UBE3B: variants seen among roughly 807,000 people sequenced by gnomAD.
UBE3B encodes ubiquitin protein ligase E3B, also known as ubiquitin-protein ligase E3B.
UBE3B carries 80 observed loss-of-function variants against 132.3 expected under a neutral mutation model. That is an observed-to-expected ratio of 0.60 (90% confidence interval 0.50 to 0.73). UBE3B has a LOEUF of 0.73. Among genes scored for constraint, UBE3B ranks in the 30% least tolerant of loss-of-function variants. UBE3B has a pLI of 0.00. For missense variants in UBE3B, 1,196 were observed against 1,362.5 expected (o/e 0.88, Z 1.92); for synonymous variants, 487 against 520.4 (o/e 0.94, Z 0.87).
the UBE3B span, among the ~76,000 whole-genome samples, chr12:109,542,671 A>C: frequency 6.6e-6 from 1 of 152,180 alleles, no homozygotes; most frequent in Non-Finnish European, 1.5e-5. Context: ...ACAGAGGCAG[A>C]GACTCAAGTG....
chr12:109,481,136 G>A (rs1289198474), intron 1 of UBE3B, among the ~76,000 whole-genome samples: 2 of 151,240 alleles, frequency 1.3e-5, no homozygotes, highest in Admixed American at 6.6e-5. Context: ...AAACATGGCC[G>A]GGCACAGTGG....
chr12:109,486,429 C>G, intron 5 of UBE3B, 42 bp from the exon 6 acceptor site: 1 of 1,487,258 alleles, frequency 6.7e-7, no homozygotes, highest in Non-Finnish European at 9.3e-7. Flanking sequence ...GTGATATGAT[C>G]TCTATAACAG....
intron 7 of UBE3B, among the ~76,000 whole-genome samples, chr12:109,489,603 G>T (rs1877087479): frequency 6.6e-6 from 1 of 152,196 alleles, no homozygotes; most frequent in African/African-American, 2.4e-5. Context: ...CCTGGCGAAG[G>T]CAGTGCTAGG....
At chr12:109,482,358 A>G (rs1543895) in intron 2 of UBE3B, among the ~76,000 whole-genome samples, 17,531 of 152,082 alleles carry the variant, frequency 0.12, 2,561 homozygotes, top group African/African-American at 0.34. Flanking sequence ...AGTCTCCATT[A>G]TCTTATTCCA....
intron 25 of UBE3B, 108 bp from the exon 26 acceptor site, chr12:109,530,438 TC>T: frequency 1.2e-6 from 1 of 853,882 alleles, no homozygotes; most frequent in Non-Finnish European, 1.9e-6. Context: ...TTAGTAGTGT[TC>T]CCCAGGCCTG....
chr12:109,507,293 G>A (rs1246904016), intron 14 of UBE3B, among the ~76,000 whole-genome samples: 1 of 152,198 alleles, frequency 6.6e-6, no homozygotes, highest in South Asian at 2.1e-4. Flanking sequence ...ATAAGATGGG[G>A]ATAACACTGG....
intron 9 of UBE3B, among the ~76,000 whole-genome samples, chr12:109,495,125 G>A (rs2135879771): frequency 6.6e-6 from 1 of 152,258 alleles, no homozygotes; most frequent in South Asian, 2.1e-4. Flanking sequence ...TAGCTCAGTT[G>A]GTTAGCCTCA....
chr12:109,545,218 C>T, the UBE3B span, among the ~76,000 whole-genome samples: 2 of 152,230 alleles, frequency 1.3e-5, no homozygotes, highest in Non-Finnish European at 2.9e-5. Flanking sequence ...GGTGTGAAGT[C>T]TGCTGGGTGG....
intron 18 of UBE3B, 44 bp downstream of exon 18, chr12:109,511,347 C>G: frequency 6.4e-7 from 1 of 1,574,222 alleles, no homozygotes; most frequent in Non-Finnish European, 8.7e-7. Context: ...CTTTCTATTC[C>G]CCCACGTGGT....
chr12:109,534,433 G>A lies in UBE3B; in HGVS notation c.3016-158G>A, dbSNP rs952620093. The A allele has an allele frequency of 1.4e-6, 2 of 1,423,786 alleles. No homozygotes were observed. Among genetic ancestry groups the A allele is most frequent in the African/African-American group, 2.9e-5 (2 of 68,688 alleles). 88.2% of individuals were successfully genotyped at this position (1,423,786 alleles called of 1,614,324 possible). ...CTGGAAGCCAGTCGTCTTGTGTCTG[G>A]GGCTTGACCTCGGGTAGTGGTGCCA... On this transcript the variant is annotated intron_variant, in intron 27 of 27. Transcript: ENST00000342494. This position sits in a 1 kb window ranked among gnomAD's most constrained non-coding sequence, Gnocchi z 5.2.
At chr12:109,497,651 A>G (rs1878400914) in intron 9 of UBE3B, among the ~76,000 whole-genome samples, 167 bp from the exon 10 acceptor site, 1 of 152,118 alleles carries the variant, frequency 6.6e-6, no homozygotes, top group Non-Finnish European at 1.5e-5. Context: ...CTGGACCATC[A>G]CTGACTTGTC....
chr12:109,483,989 G>T lies in UBE3B; in HGVS notation c.282+8G>T, dbSNP rs748760399. 1 of 1,607,046 alleles carries T rather than the reference G, an allele frequency of 6.2e-7. No homozygotes were observed. On this transcript the variant is annotated splice_region_variant and intron_variant, in intron 4 of 27. Transcript: ENST00000342494. Reference sequence around the variant, plus strand: ...ATCAAAGAGGATAATGAGGTAAAACGATAATAGCAAACATGTATAATACTT... The same window carrying T: ...ATCAAAGAGGATAATGAGGTAAAACTATAATAGCAAACATGTATAATACTT...
At chr12:109,511,756 T>C (rs11067005) in intron 18 of UBE3B, among the ~76,000 whole-genome samples, 7,722 of 152,186 alleles carry the variant, frequency 0.051, 269 homozygotes, top group South Asian at 0.11. Context: ...GCAAGGGCTT[T>C]CTGCAAAGCC....
At chr12:109,525,424 A>C (rs1882231965) in intron 23 of UBE3B, among the ~76,000 whole-genome samples, 1 of 152,208 alleles carries the variant, frequency 6.6e-6, no homozygotes, top group African/African-American at 2.4e-5. Flanking sequence ...TGTTCCTGGA[A>C]TCAGGGGAAA....
the UBE3B span, among the ~76,000 whole-genome samples, chr12:109,547,505 C>G: frequency 3.9e-4 from 60 of 152,370 alleles, 1 homozygote; most frequent in East Asian, 0.011. The surrounding 1 kb of genome is among the most constrained non-coding windows in gnomAD (Gnocchi z 4.1). Flanking sequence ...GGTGGGGCAC[C>G]CAAGCCGATG....
chr12:109,529,964 G>A lies in UBE3B; in HGVS notation c.2702G>A (p.Ser901Asn). The A allele has an allele frequency of 1.2e-6, 2 of 1,614,162 alleles. No homozygotes were observed. The highest frequency in any genetic ancestry group is 1.7e-6 in the Non-Finnish European group (2 of 1,180,032). ...AAAAACCAAACAGCTGCCCTCATTA[G>A]CGGATTCCGTTCCATTATCAAACCC... ...QIKNQTAALI[S>N]GFRSIIKPEW... Residue 901 changes from serine to asparagine, a missense_variant, in exon 25 of 28, where the codon AGC (serine) becomes AAC (asparagine). Transcript: ENST00000342494.
chr12:109,498,679 G>C (rs1340928629), intron 11 of UBE3B, among the ~76,000 whole-genome samples: 2 of 152,172 alleles, frequency 1.3e-5, no homozygotes, highest in Non-Finnish European at 2.9e-5. Context: ...GAGTAGTTAG[G>C]TGGGGCTTAT....
Position 109,522,441 on chromosome 12 carries a change from G to A in UBE3B, c.2364+890G>A, listed in dbSNP as rs1425327608. Reference sequence around the variant, plus strand: ...GAAGGAAAGCTGCAGCACAAGCCCAGCCAGTCTGTGTGGCCTTCGCAGTGG... The same window carrying A: ...GAAGGAAAGCTGCAGCACAAGCCCAACCAGTCTGTGTGGCCTTCGCAGTGG... On this transcript the variant is annotated intron_variant, in intron 21 of 27. Transcript: ENST00000342494. The surrounding 1 kb of genome is among the most constrained non-coding windows in gnomAD (Gnocchi z 4.2). Among the ~76,000 whole-genome samples, 3 of 152,222 alleles carry A rather than the reference G, an allele frequency of 2.0e-5. No individual in the cohort carries two copies. The highest frequency in any genetic ancestry group is 7.2e-5 in the African/African-American group (3 of 41,458).
chr12:109,532,515 G>GT lies in UBE3B; in HGVS notation c.2923-950dup, dbSNP rs752918068. ...GAGTTTTGGAGGACAGCTTGATGAT[G>GT]TAAGTGACAAGCCCCTGTATCCCCT... On this transcript the variant is annotated intron_variant, in intron 26 of 27. Transcript: ENST00000342494. Among the ~76,000 whole-genome samples, 4 of 152,328 alleles carry GT rather than the reference G, an allele frequency of 2.6e-5. No individual in the cohort carries two copies. In the South Asian group the frequency reaches 6.2e-4, roughly 24 times the overall value.
Sources: allele counts gnomAD v4.1 joint callset (sites outside exome capture counted in the v4.1 genomes callset), GRCh38; gene constraint gnomAD v4.1.1; non-coding constraint Gnocchi (gnomAD v3.1); transcripts MANE v1.5; gene names NCBI Gene and HGNC (gene_info 2026-07-23, HGNC 2026-07-21).